The following BCAT1 variants were observed in gnomAD, a reference collection of about 807,000 sequenced individuals.
The protein encoded by BCAT1 is branched chain amino acid transaminase 1.
In BCAT1, 48 loss-of-function variants were observed where a neutral mutation model predicts 52.4. That is an observed-to-expected ratio of 0.92 (90% CI 0.73 to 1.16). BCAT1 has a LOEUF of 1.16. Among genes scored for constraint, BCAT1 ranks in the 50% most tolerant of loss-of-function variants. BCAT1 has a pLI of 0.00. For synonymous variants in BCAT1, 167 were observed against 161.3 expected (o/e 1.04, Z -0.27); for missense variants, 451 against 457.1 (o/e 0.99, Z 0.12).
intron 1 of BCAT1, among the ~76,000 whole-genome samples, chr12:24,910,442 A>C (rs2139700536): frequency 6.6e-6 from 1 of 152,176 alleles, no homozygotes; most frequent in East Asian, 1.9e-4. Flanking sequence ...TTTTAAGGCC[A>C]CAAAGTTTGG....
Position 24,816,804 on chromosome 12 carries a change from A to G in BCAT1, c.*1204T>C, listed in dbSNP as rs7134734. 0.73 allele frequency: 276,226 copies of G among 379,036 alleles called. 101,377 individuals carry two copies. Among genetic ancestry groups the G allele is most frequent in the East Asian group, 0.9 (24,570 of 27,200 alleles). The allele number at this position is 379,036 out of a possible 1,614,324, so 23.5% of individuals were successfully genotyped here. On this transcript the variant is annotated 3_prime_UTR_variant, in exon 11 of 11. Transcript: ENST00000261192. ...GAAACTGTTACACCTCAGGTCATCA[A>G]GCATTAGATTCTCATAAGGAGCGCA...
chr12:24,842,289 C>G, intron 6 of BCAT1, 65 bp from the exon 7 acceptor site: 1 of 1,550,640 alleles, frequency 6.4e-7, no homozygotes, highest in Non-Finnish European at 8.9e-7. Flanking sequence ...ATCTTCTACC[C>G]TCTGATAGCC....
intron 1 of BCAT1, among the ~76,000 whole-genome samples, chr12:24,947,712 C>T (rs1038971578): frequency 1.3e-5 from 2 of 151,974 alleles, no homozygotes; most frequent in African/African-American, 4.8e-5. Flanking sequence ...TACAAAAACG[C>T]GTAATTAACC....
chr12:24,877,893 C>A (rs767786247), intron 5 of BCAT1, among the ~76,000 whole-genome samples: 1 of 152,108 alleles, frequency 6.6e-6, no homozygotes, highest in Non-Finnish European at 1.5e-5. Context: ...GTGGCTCATG[C>A]CTGTAATCCC....
At chr12:24,940,854 T>C (rs1052903512) in intron 1 of BCAT1, among the ~76,000 whole-genome samples, 1 of 152,194 alleles carries the variant, frequency 6.6e-6, no homozygotes, top group African/African-American at 2.4e-5. Flanking sequence ...TCAGCAGAAG[T>C]AAAAGCCCAA....
intron 5 of BCAT1, among the ~76,000 whole-genome samples, chr12:24,871,965 G>A (rs1942194909): frequency 6.6e-6 from 1 of 152,082 alleles, no homozygotes; most frequent in Non-Finnish European, 1.5e-5. Context: ...ATATATATAT[G>A]TATATGTATT....
intron 1 of BCAT1, among the ~76,000 whole-genome samples, chr12:24,928,704 T>TTTGTTGTTGTTG (rs71063374): frequency 6.9e-6 from 1 of 144,090 alleles, no homozygotes; most frequent in African/African-American, 2.6e-5. Context: ...GTGTGAAATG[T>TTTGTTGTTGTTG]TTGTTGTTGT....
At chr12:24,858,244 T>C (rs963451037) in intron 5 of BCAT1, among the ~76,000 whole-genome samples, 3 of 152,222 alleles carry the variant, frequency 2.0e-5, no homozygotes, top group Non-Finnish European at 4.4e-5. Context: ...GTGTGTTGTA[T>C]GTGTGATATG....
chr12:24,888,189 C>T (rs1214079025), intron 3 of BCAT1, among the ~76,000 whole-genome samples: 2 of 152,098 alleles, frequency 1.3e-5, no homozygotes. Flanking sequence ...CCCTGCCTAA[C>T]TTTCCATGTG....
At chr12:24,941,676 T>A (rs1480021742) in intron 1 of BCAT1, among the ~76,000 whole-genome samples, 1 of 152,200 alleles carries the variant, frequency 6.6e-6, no homozygotes, top group Non-Finnish European at 1.5e-5. Context: ...GCAAGGTTCA[T>A]GCTACAACAG....
At chr12:24,900,448 T>G (rs1489971697) in intron 2 of BCAT1, among the ~76,000 whole-genome samples, 2 of 152,082 alleles carry the variant, frequency 1.3e-5, no homozygotes, top group African/African-American at 4.8e-5. Context: ...TAGTTGGGCC[T>G]GATGGCATGC....
chr12:24,945,166 G>T (rs1175708368), intron 1 of BCAT1, among the ~76,000 whole-genome samples: 1 of 152,176 alleles, frequency 6.6e-6, no homozygotes, highest in East Asian at 1.9e-4. Flanking sequence ...CCTGAACCTG[G>T]TGTTCCAGAA....
Position 24,817,943 on chromosome 12 carries a change from A to G in BCAT1, c.*65T>C. ...AAGAAATCTATCACAATTCAAATGC[A>G]ACAGTCTGTCCCAGTAGCATACAGT... is the stretch of plus-strand genomic sequence containing the variant. On this transcript the variant is annotated 3_prime_UTR_variant, in exon 11 of 11. Coordinates refer to ENST00000261192, the MANE Select transcript of BCAT1 (RefSeq NM_005504.7). The G allele has an allele frequency of 6.5e-7, 1 of 1,526,852 alleles. No homozygotes were observed. The highest frequency in any genetic ancestry group is 9.1e-7 in the Non-Finnish European group (1 of 1,103,278). The allele number at this position is 1,526,852 out of a possible 1,614,324, so 94.6% of individuals were successfully genotyped here. A position where few individuals can be genotyped will look rare whatever the true frequency, so the allele number is the denominator to read the frequency against.
intron 1 of BCAT1, among the ~76,000 whole-genome samples, chr12:24,926,074 C>T (rs1261757652): frequency 6.6e-6 from 1 of 152,170 alleles, no homozygotes; most frequent in East Asian, 1.9e-4. Context: ...TGAGGAGCCC[C>T]TCTGCCTGGC....
At chr12:24,934,638 CTG>C in intron 1 of BCAT1, among the ~76,000 whole-genome samples, 1 of 152,196 alleles carries the variant, frequency 6.6e-6, no homozygotes. Flanking sequence ...ACTGCAACCT[CTG>C]CTCCCAGGTT....
chr12:24,928,632 C>CA (rs34227038), intron 1 of BCAT1, among the ~76,000 whole-genome samples: 52,098 of 85,182 alleles, frequency 0.61, 16,386 homozygotes, highest in Non-Finnish European at 0.73. Context: ...GAGACAGTCT[C>CA]AAAAAAAAAA....
chr12:24,819,033 C>T (rs1291141001), intron 10 of BCAT1, among the ~76,000 whole-genome samples: 1 of 152,072 alleles, frequency 6.6e-6, no homozygotes, highest in Non-Finnish European at 1.5e-5. Context: ...ATTATCAATC[C>T]ATTTTATGAA....
chr12:24,945,985 G>A (rs536098820), intron 1 of BCAT1, among the ~76,000 whole-genome samples: 11 of 152,252 alleles, frequency 7.2e-5, no homozygotes, highest in Middle Eastern at 3.4e-3. Context: ...CCTGGGGTGG[G>A]CATCTGTTAT....
At chr12:24,895,490 C>T (rs1055320666) in intron 2 of BCAT1, among the ~76,000 whole-genome samples, 2 of 149,990 alleles carry the variant, frequency 1.3e-5, no homozygotes, top group African/African-American at 4.9e-5. Flanking sequence ...CGCACCACTG[C>T]ACTCCAGCCT....
Sources: gnomAD v4.1 joint callset for allele counts (sites outside exome capture counted in the v4.1 genomes callset) on GRCh38, gnomAD v4.1.1 for gene constraint, MANE v1.5 for transcripts, NCBI Gene and HGNC (gene_info 2026-07-23, HGNC 2026-07-21) for gene names.